WDPCP: variants seen among roughly 807,000 people sequenced by gnomAD.
WDPCP encodes WD repeat containing planar cell polarity effector.
In WDPCP, 71 loss-of-function variants were observed where a neutral mutation model predicts 93.1. The observed-to-expected ratio is 0.76, with a 90% CI of 0.63 to 0.93. WDPCP has a LOEUF of 0.93. WDPCP is among the 40% of genes least tolerant of loss of function. The pLI, the probability that WDPCP is intolerant of heterozygous loss-of-function variation, is 0.00. For synonymous variants in WDPCP, 315 were observed against 315.0 expected (o/e 1.00, Z 0.00); for missense variants, 844 against 887.4 (o/e 0.95, Z 0.62).
intron 17 of WDPCP, among the ~76,000 whole-genome samples, chr2:63,146,598 A>T (rs1671526342): frequency 6.6e-6 from 1 of 151,878 alleles, no homozygotes; most frequent in Non-Finnish European, 1.5e-5. Flanking sequence ...GATGGCCTTG[A>T]TCTCCTGACC....
chr2:63,630,602 C>A (rs1203017656), intron 3 of WDPCP, among the ~76,000 whole-genome samples: 1 of 151,536 alleles, frequency 6.6e-6, no homozygotes, highest in Non-Finnish European at 1.5e-5. Flanking sequence ...ATGCACCAAA[C>A]AACAGAGATG....
chr2:63,310,326 T>A (rs1345341394), intron 13 of WDPCP, among the ~76,000 whole-genome samples: 1 of 152,124 alleles, frequency 6.6e-6, no homozygotes, highest in Non-Finnish European at 1.5e-5. Context: ...AAAATTACTA[T>A]GAGGTTGCTG....
At chr2:63,143,317 T>C (rs1671235140) in intron 17 of WDPCP, among the ~76,000 whole-genome samples, 1 of 152,128 alleles carries the variant, frequency 6.6e-6, no homozygotes, top group Admixed American at 6.5e-5. Flanking sequence ...AGTCCTTATG[T>C]GTTAGGTGAG....
chr2:63,776,214 C>A (rs1304186766), intron 2 of WDPCP, among the ~76,000 whole-genome samples: 4 of 149,752 alleles, frequency 2.7e-5, no homozygotes, highest in Non-Finnish European at 5.9e-5. Context: ...AGATAAGCCA[C>A]CGACAGGAAG....
At chr2:63,503,786 C>G (rs557661485) in intron 1 of WDPCP, among the ~76,000 whole-genome samples, 1 of 151,412 alleles carries the variant, frequency 6.6e-6, no homozygotes, top group Non-Finnish European at 1.5e-5. Flanking sequence ...AAAATAAAGG[C>G]AAGAGAACAC....
intron 14 of WDPCP, among the ~76,000 whole-genome samples, chr2:63,242,616 T>C (rs1574964885): frequency 6.6e-6 from 1 of 152,182 alleles, no homozygotes; most frequent in Admixed American, 6.5e-5. Flanking sequence ...AGCGAGACAT[T>C]GTCTCTAAAA....
intron 14 of WDPCP, among the ~76,000 whole-genome samples, chr2:63,211,986 A>G (rs1676856287): frequency 6.6e-6 from 1 of 152,204 alleles, no homozygotes; most frequent in Non-Finnish European, 1.5e-5. Context: ...GACCAAATCT[A>G]CGTCTGATTG....
At chr2:63,341,094 A>G (rs1008290339) in intron 12 of WDPCP, among the ~76,000 whole-genome samples, 2 of 152,056 alleles carry the variant, frequency 1.3e-5, no homozygotes, top group African/African-American at 4.8e-5. Context: ...TCTGACAGAA[A>G]CTGTTTTGTA....
intron 13 of WDPCP, among the ~76,000 whole-genome samples, chr2:63,288,497 TA>T (rs1429561560): frequency 1.3e-5 from 2 of 152,238 alleles, no homozygotes; most frequent in African/African-American, 4.8e-5. Context: ...AGATCTGTGA[TA>T]GTAAGTGAAA....
chr2:63,516,519 G>A (rs762875755), intron 1 of WDPCP, among the ~76,000 whole-genome samples: 51 of 152,142 alleles, frequency 3.4e-4, no homozygotes, highest in Non-Finnish European at 6.2e-4. Flanking sequence ...AGTGAGAGGG[G>A]TAGCCAGCCA....
chr2:63,695,564 C>G (rs1354040949), intron 2 of WDPCP, among the ~76,000 whole-genome samples: 1 of 152,108 alleles, frequency 6.6e-6, no homozygotes, highest in African/African-American at 2.4e-5. Flanking sequence ...ATCTGGTAGC[C>G]CTACTAGGAA....
intron 3 of WDPCP, among the ~76,000 whole-genome samples, chr2:63,636,888 A>G (rs1025973912): frequency 3.3e-5 from 5 of 152,246 alleles, no homozygotes; most frequent in African/African-American, 4.8e-5. Context: ...ATGAAACTGT[A>G]TCCCCACTTT....
intron 1 of WDPCP, among the ~76,000 whole-genome samples, chr2:63,821,568 A>G (rs1204977854): frequency 3.9e-5 from 6 of 152,158 alleles, no homozygotes; most frequent in African/African-American, 1.4e-4. Flanking sequence ...TGTAAGCAGC[A>G]GAGTGACAAG....
At chr2:63,730,087 G>A (rs889761737) in intron 2 of WDPCP, among the ~76,000 whole-genome samples, 4 of 152,180 alleles carry the variant, frequency 2.6e-5, no homozygotes, top group African/African-American at 4.8e-5. Context: ...TAGAAAAAGA[G>A]TAAGTGTGAA....
At chr2:63,634,434 A>C (rs571417628) in intron 3 of WDPCP, among the ~76,000 whole-genome samples, 1 of 152,368 alleles carries the variant, frequency 6.6e-6, no homozygotes, top group South Asian at 2.1e-4. Flanking sequence ...TAGAAACTTT[A>C]ACATCTCATT....
At chr2:63,317,607 A>G (rs1686752343) in intron 12 of WDPCP, among the ~76,000 whole-genome samples, 1 of 152,140 alleles carries the variant, frequency 6.6e-6, no homozygotes, top group African/African-American at 2.4e-5. Context: ...AAATAAAGCC[A>G]AACACCTGCA....
intron 3 of WDPCP, chr2:63,599,427 T>C (rs1709380843): frequency 1.2e-6 from 1 of 842,634 alleles, no homozygotes; most frequent in Middle Eastern, 3.9e-4. Context: ...TTTATTAAAT[T>C]AAAAGTAAAT....
chr2:63,546,434 A>AAGTAAACTCACCCAATCTTTCCT (rs1453618488), intron 1 of WDPCP, among the ~76,000 whole-genome samples: 4 of 152,172 alleles, frequency 2.6e-5, no homozygotes, highest in Non-Finnish European at 4.4e-5. Context: ...AGGGAAAGAA[A>AAGTAAACTCACCCAATCTTTCCT]AGTAAACTCA....
intron 12 of WDPCP, among the ~76,000 whole-genome samples, chr2:63,362,281 GTGT>G (rs1690541281): frequency 2.9e-5 from 3 of 103,278 alleles, no homozygotes; most frequent in Non-Finnish European, 5.4e-5. Flanking sequence ...TTTTGGTTGT[GTGT>G]GTGTGTGTGT....
Sources: gnomAD v4.1 joint callset for allele counts (sites outside exome capture counted in the v4.1 genomes callset) on GRCh38, gnomAD v4.1.1 for gene constraint, MANE v1.5 for transcripts, NCBI Gene and HGNC (gene_info 2026-07-23, HGNC 2026-07-21) for gene names.